The following SNX13 variants were observed in gnomAD, a reference collection of about 807,000 sequenced individuals.
The protein encoded by SNX13 is sorting nexin-13.
Under a neutral mutation model 133.6 loss-of-function variants are expected in SNX13, and 45 were observed. That is an observed-to-expected ratio of 0.34 (90% CI 0.27 to 0.43). The LOEUF (loss-of-function observed/expected upper bound fraction) is 0.43, where lower values mean the gene tolerates loss of function less well. SNX13 is among the 20% of genes least tolerant of loss of function. SNX13 has a pLI of 1.00. For missense variants in SNX13, 1,032 were observed against 1,145.1 expected (o/e 0.90, Z 1.43); for synonymous variants, 414 against 373.9 (o/e 1.11, Z -1.24).
intron 9 of SNX13, among the ~76,000 whole-genome samples, chr7:17,864,484 A>G (rs1793120942): frequency 6.6e-6 from 1 of 152,136 alleles, no homozygotes; most frequent in South Asian, 2.1e-4. Context: ...GAATCTGAAA[A>G]CAAATGAAGC....
intron 9 of SNX13, among the ~76,000 whole-genome samples, chr7:17,862,900 A>C (rs1432980946): frequency 6.6e-6 from 1 of 152,130 alleles, no homozygotes; most frequent in Non-Finnish European, 1.5e-5. Context: ...TGATCACAGT[A>C]CCCGGTTTGA....
In SNX13 at chr7:17,897,359, A is replaced by C; in HGVS notation, c.100T>G (p.Phe34Val). 6.3e-7 allele frequency: 1 copy of C among 1,585,868 alleles called. No homozygotes were observed. The highest frequency in any genetic ancestry group is 8.6e-7 in the Non-Finnish European group (1 of 1,165,306). Residue 34 changes from phenylalanine (F) to valine (V), a missense_variant, in exon 2 of 26, where the codon TTT becomes GTT. Physicochemically the swap from Phe to Val is conservative, Grantham distance 50. Coordinates refer to ENST00000428135, the MANE Select transcript of SNX13 (RefSeq NM_015132.5). ...CCACCCACAAAGCAGAGGATATAAA[A>C]TGTCAAATAAAATATTACAAAGGGT... ...FGPFVIFYLTFYILCFVGGGL... is the reference protein window; with the variant it reads ...FGPFVIFYLTVYILCFVGGGL...
chr7:17,863,024 C>T (rs543342046), intron 9 of SNX13, among the ~76,000 whole-genome samples: 1 of 152,222 alleles, frequency 6.6e-6, no homozygotes, highest in African/African-American at 2.4e-5. Flanking sequence ...AATCTGTGGG[C>T]TTGTGGGAGG....
chr7:17,925,398 G>C (rs1478727638), intron 1 of SNX13, among the ~76,000 whole-genome samples: 1 of 152,036 alleles, frequency 6.6e-6, no homozygotes, highest in African/African-American at 2.4e-5. Flanking sequence ...GCTTTAGTTA[G>C]GTGAATTGCA....
At chr7:17,893,490 G>A (rs1297997436) in intron 2 of SNX13, 56 bp from the exon 3 acceptor site, 1 of 1,059,014 alleles carries the variant, frequency 9.4e-7, no homozygotes, top group African/African-American at 1.6e-5. Context: ...ATAATTTAAT[G>A]AATCTACTAC....
intron 20 of SNX13, among the ~76,000 whole-genome samples, chr7:17,808,496 G>C (rs1355916183): frequency 6.6e-6 from 1 of 152,202 alleles, no homozygotes. Context: ...ACCTGAAAGT[G>C]ACGGGGAGAA....
intron 9 of SNX13, among the ~76,000 whole-genome samples, chr7:17,855,150 A>G (rs1193611569): frequency 6.6e-6 from 1 of 152,212 alleles, no homozygotes; most frequent in African/African-American, 2.4e-5. Flanking sequence ...ATTCCAGAGC[A>G]AGGCCCGGAC....
intron 15 of SNX13, chr7:17,830,385 G>A: frequency 1.0e-6 from 1 of 984,340 alleles, no homozygotes; most frequent in Non-Finnish European, 1.2e-6. Flanking sequence ...GGAAAACATT[G>A]CAGAATGAGG....
rs59119505 is a variant in SNX13, at chr7:17,861,342, T to TCACA, written c.837+7061_837+7064dup. On this transcript the variant is annotated intron_variant, in intron 9 of 25. Coordinates refer to ENST00000428135, the MANE Select transcript of SNX13 (RefSeq NM_015132.5). ...TACAGTTATCACACATACAGTTATC[T>TCACA]CACACACACACACACACACACACAC... is the stretch of plus-strand genomic sequence containing the variant. 5.0e-3 allele frequency among the ~76,000 whole-genome samples: 720 copies of TCACA among 143,224 alleles called. 4 individuals are homozygous for TCACA. Among genetic ancestry groups the TCACA allele is most frequent in the African/African-American group, 0.014 (552 of 38,134 alleles). 94.0% of individuals were successfully genotyped at this position (143,224 alleles called of 152,430 possible). A position where few individuals can be genotyped will look rare whatever the true frequency, so the allele number is the denominator to read the frequency against.
chr7:17,855,013 A>G (rs2128330956), intron 9 of SNX13, among the ~76,000 whole-genome samples: 1 of 152,378 alleles, frequency 6.6e-6, no homozygotes, highest in South Asian at 2.1e-4. Context: ...CTTCAGGGAA[A>G]TTAAAAGTGC....
intron 9 of SNX13, among the ~76,000 whole-genome samples, chr7:17,861,372 A>G (rs1792668296): frequency 1.3e-5 from 2 of 151,200 alleles, no homozygotes; most frequent in Non-Finnish European, 2.9e-5. Context: ...ACACACACAC[A>G]CACACACACA....
intron 12 of SNX13, among the ~76,000 whole-genome samples, chr7:17,843,294 A>G (rs1480411290): frequency 6.6e-6 from 1 of 152,120 alleles, no homozygotes; most frequent in African/African-American, 2.4e-5. Context: ...CACTAGTATC[A>G]GCTGAAATAG....
intron 9 of SNX13, among the ~76,000 whole-genome samples, chr7:17,852,483 T>C (rs1048111909): frequency 6.6e-6 from 1 of 152,152 alleles, no homozygotes; most frequent in East Asian, 1.9e-4. Context: ...AATCTAAGAA[T>C]TGACCATAAC....
At chr7:17,830,363 A>G (rs1182818511) in intron 15 of SNX13, 3 of 984,212 alleles carry the variant, frequency 3.0e-6, no homozygotes, top group African/African-American at 1.8e-5. Flanking sequence ...GCCTAATACA[A>G]TATAAGCATG....
intron 9 of SNX13, among the ~76,000 whole-genome samples, chr7:17,856,470 G>A (rs898787098): frequency 6.6e-6 from 1 of 152,064 alleles, no homozygotes; most frequent in South Asian, 2.1e-4. Context: ...AATGTAAGTG[G>A]ACTAAATTCT....
At chr7:17,936,700 A>C (rs1774468640) in intron 1 of SNX13, among the ~76,000 whole-genome samples, 1 of 152,178 alleles carries the variant, frequency 6.6e-6, no homozygotes, top group Non-Finnish European at 1.5e-5. Flanking sequence ...TGTTTGATAA[A>C]AATTCACTGA....
chr7:17,897,051 AG>A (rs1797286421), intron 2 of SNX13, among the ~76,000 whole-genome samples: 1 of 152,140 alleles, frequency 6.6e-6, no homozygotes, highest in Non-Finnish European at 1.5e-5. Context: ...CACCACCAAA[AG>A]GAATTTGAAA....
At chr7:17,901,108 C>A (rs566343342) in intron 1 of SNX13, among the ~76,000 whole-genome samples, 1 of 152,058 alleles carries the variant, frequency 6.6e-6, no homozygotes, top group African/African-American at 2.4e-5. Flanking sequence ...TCTAGAAATG[C>A]GGTCTGGGAG....
chr7:17,809,282 C>CAAAAAAAAAAAAAAAA (rs535077123), intron 20 of SNX13, among the ~76,000 whole-genome samples: 39 of 49,272 alleles, frequency 7.9e-4, no homozygotes, highest in South Asian at 1.2e-3. Flanking sequence ...AGATGGAAAG[C>CAAAAAAAAAAAAAAAA]AAAAAAAAAA....
Sources: allele counts gnomAD v4.1 joint callset (sites outside exome capture counted in the v4.1 genomes callset), GRCh38; gene constraint gnomAD v4.1.1; transcripts MANE v1.5; gene names NCBI Gene and HGNC (gene_info 2026-07-23, HGNC 2026-07-21).